Variants in ZNF81 observed in about 807,000 individuals in gnomAD.
ZNF81 encodes zinc finger protein 81 (HFZ20).
Under a neutral mutation model 32.3 loss-of-function variants are expected in ZNF81, and 5 were observed. The observed-to-expected ratio is 0.15, with a 90% CI of 0.08 to 0.33. The LOEUF (loss-of-function observed/expected upper bound fraction) is 0.33. Among genes scored for constraint, ZNF81 ranks in the 10% least tolerant of loss-of-function variants. The probability of loss-of-function intolerance (pLI) is 1.00; values close to 1 mark genes in which losing one functional copy is unlikely to be tolerated. For synonymous variants in ZNF81, 163 were observed against 166.8 expected, an observed-to-expected ratio of 0.98 and a Z score of 0.17; for missense variants, 379 against 479.8, an observed-to-expected ratio of 0.79 and a Z score of 1.96.
chrX:47,846,128 C>T lies in ZNF81; in HGVS notation c.-140C>T. 1 of 700,730 alleles carries T rather than the reference C, an allele frequency of 1.4e-6. No homozygotes were observed. The highest frequency in any genetic ancestry group is 2.2e-6 in the Non-Finnish European group (1 of 454,350). The allele number at this position is 700,730 out of a possible 1,213,427, so 57.7% of individuals were successfully genotyped here. Reference sequence around the variant, plus strand: ...AGAGTTCTTGGAGTCTCTGCGGAGTCCCTGGGCCAGATCTCACAGTGAAAG... The same window carrying T: ...AGAGTTCTTGGAGTCTCTGCGGAGTTCCTGGGCCAGATCTCACAGTGAAAG... On this transcript the variant is annotated 5_prime_UTR_variant, in exon 2 of 5. Coordinates refer to ENST00000338637, the MANE Select transcript of ZNF81 (RefSeq NM_007137.5).
intron 3 of ZNF81, among the ~76,000 whole-genome samples, chrX:47,891,559 G>A (rs1454574529): frequency 8.9e-6 from 1 of 112,280 alleles, no homozygotes; most frequent in East Asian, 2.8e-4. Context: ...CCACAGGTCA[G>A]GGAACTAATA....
intron 2 of ZNF81, among the ~76,000 whole-genome samples, chrX:47,865,390 G>A (rs192270603): frequency 6.8e-4 from 76 of 112,020 alleles, no homozygotes; most frequent in Admixed American, 1.9e-3. Flanking sequence ...GCTATCTTTC[G>A]TAAGGGGTGT....
intron 4 of ZNF81, among the ~76,000 whole-genome samples, chrX:47,897,472 T>G (rs1042957782): frequency 8.0e-5 from 9 of 112,311 alleles, no homozygotes; most frequent in Admixed American, 7.5e-4. Context: ...GCCAGATATA[T>G]GTATTGCTAA....
intron 3 of ZNF81, 55 bp downstream of exon 3, chrX:47,888,180 C>T: frequency 2.6e-6 from 3 of 1,176,233 alleles, no homozygotes; most frequent in African/African-American, 1.8e-5. Flanking sequence ...TTAAATTGTG[C>T]CCCCAAATAA....
rs1386686292 is a variant in ZNF81 at position 47,916,881 on chromosome X, GT to G, written c.*252del. 1.3e-5 allele frequency: 4 copies of G among 316,569 alleles called. No homozygotes were observed. In the East Asian group the frequency reaches 1.9e-4, roughly 15 times the overall value. 26.1% of individuals were successfully genotyped at this position (316,569 alleles called of 1,213,427 possible). ...AGTCATACTGGGAAAAATGTTGTCA[GT>G]TTGGTGTGTTAGGAAAAGCCTTCCT... On this transcript the variant is annotated 3_prime_UTR_variant, in exon 5 of 5. Transcript: ENST00000338637.
At chrX:47,863,123 T>C (rs2058547881) in intron 2 of ZNF81, among the ~76,000 whole-genome samples, 1 of 111,521 alleles carries the variant, frequency 9.0e-6, no homozygotes, top group African/African-American at 3.3e-5. Flanking sequence ...GAGAGGGGTC[T>C]TTTGCAGACA....
chrX:47,870,904 A>G (rs2058577478), intron 2 of ZNF81, among the ~76,000 whole-genome samples: 1 of 112,447 alleles, frequency 8.9e-6, no homozygotes, highest in African/African-American at 3.2e-5. Flanking sequence ...CTGACACAAT[A>G]CTAACCAAGT....
At chrX:47,907,925 C>T (rs1556889362) in intron 4 of ZNF81, among the ~76,000 whole-genome samples, 1 of 111,696 alleles carries the variant, frequency 9.0e-6, no homozygotes, top group Non-Finnish European at 1.9e-5. Flanking sequence ...ACAAACAAAG[C>T]TCTCAACCCA....
chrX:47,901,195 C>G (rs1556887931), intron 4 of ZNF81, among the ~76,000 whole-genome samples: 1 of 111,829 alleles, frequency 8.9e-6, no homozygotes, highest in East Asian at 2.8e-4. Context: ...GCTTACTTCT[C>G]CATACTGGAA....
chrX:47,861,218 T>A (rs2058539209), intron 2 of ZNF81, among the ~76,000 whole-genome samples: 1 of 111,779 alleles, frequency 8.9e-6, no homozygotes, highest in African/African-American at 3.3e-5. Context: ...TGTTAGTGTC[T>A]GTTCCAACAC....
chrX:47,895,697 G>T (rs1354682654), intron 3 of ZNF81, 148 bp from the exon 4 acceptor site: 2 of 505,378 alleles, frequency 4.0e-6, no homozygotes, highest in African/African-American at 2.3e-5. Context: ...ACCCTATGAT[G>T]ATGTCCTCCT....
chrX:47,874,106 T>G (rs2058590607), intron 2 of ZNF81, among the ~76,000 whole-genome samples: 1 of 112,322 alleles, frequency 8.9e-6, no homozygotes, highest in Non-Finnish European at 1.9e-5. Flanking sequence ...GGTTTTGATC[T>G]GTCCCTGGAT....
At chrX:47,899,956 G>A (rs2058692778) in intron 4 of ZNF81, among the ~76,000 whole-genome samples, 1 of 111,385 alleles carries the variant, frequency 9.0e-6, no homozygotes, top group Admixed American at 9.6e-5. Flanking sequence ...AAGAATGTAT[G>A]TTCAGTTGTT....
chrX:47,841,732 C>A, intron 1 of ZNF81: 1 of 503,543 alleles, frequency 2.0e-6, no homozygotes, highest in South Asian at 3.2e-5. Context: ...TTATCTTTGT[C>A]AATCTTGCTG....
chrX:47,896,005 G>T, intron 4 of ZNF81, 65 bp downstream of exon 4: 1 of 836,536 alleles, frequency 1.2e-6, no homozygotes, highest in Non-Finnish European at 1.8e-6. Context: ...AAGGAAGACC[G>T]ATGCCTTTAA....
intron 2 of ZNF81, among the ~76,000 whole-genome samples, chrX:47,855,233 A>T (rs1216634722): frequency 9.0e-6 from 1 of 111,530 alleles, no homozygotes; most frequent in Non-Finnish European, 1.9e-5. Flanking sequence ...AAGAGAAGAA[A>T]CAGATATAAT....
chrX:47,885,714 T>C (rs970457553), intron 2 of ZNF81, among the ~76,000 whole-genome samples: 34 of 111,436 alleles, frequency 3.1e-4, no homozygotes, highest in Admixed American at 3.0e-3. Context: ...GCTAGTTCCC[T>C]CCAGCCCTTT....
intron 1 of ZNF81, among the ~76,000 whole-genome samples, chrX:47,845,710 T>G (rs782261997): frequency 8.9e-6 from 1 of 112,078 alleles, no homozygotes; most frequent in Non-Finnish European, 1.9e-5. Flanking sequence ...TTACCTGCTA[T>G]TACATGCTTC....
rs1233042033 is a variant in ZNF81 at position 47,920,821 on chromosome X, T to C, written c.*4189T>C. 1 of 111,201 alleles carries C rather than the reference T, an allele frequency of 9.0e-6. No individual in the cohort carries two copies. The highest frequency in any genetic ancestry group is 3.3e-5 in the African/African-American group (1 of 30,546). The allele number at this position is 111,201 out of a possible 1,213,427, so 9.2% of individuals were successfully genotyped here. On this transcript the variant is annotated 3_prime_UTR_variant, in exon 5 of 5. Transcript: ENST00000338637. ...ACTACCCTTAGGTCTACAGCTCTCA[T>C]GAGTCTCCCGCACTCAGCCTTTAGC...
Sources: gnomAD v4.1 joint callset for allele counts (sites outside exome capture counted in the v4.1 genomes callset) on GRCh38, gnomAD v4.1.1 for gene constraint, MANE v1.5 for transcripts, NCBI Gene and HGNC (gene_info 2026-07-23, HGNC 2026-07-21) for gene names.